Variants in RIMBP2 observed in about 807,000 individuals in gnomAD.
RIMBP2 encodes the protein RIMS-binding protein 2.
Under a neutral mutation model 118.6 loss-of-function variants are expected in RIMBP2, and 48 were observed. That is an observed-to-expected ratio of 0.40 (90% confidence interval 0.32 to 0.51). RIMBP2 has a LOEUF of 0.51. Among genes scored for constraint, RIMBP2 ranks in the 20% least tolerant of loss-of-function variants. RIMBP2 has a pLI of 0.41. For synonymous variants in RIMBP2, 762 were observed against 742.9 expected, an observed-to-expected ratio of 1.03 and a Z score of -0.42; for missense variants, 1,551 against 1,768.3, an observed-to-expected ratio of 0.88 and a Z score of 2.20.
intron 4 of RIMBP2, among the ~76,000 whole-genome samples, chr12:130,495,223 A>G (rs10848115): frequency 0.49 from 75,074 of 152,010 alleles, 19,427 homozygotes; most frequent in East Asian, 0.93. Context: ...CATGCCCTGA[A>G]ATGATGAGGG....
intron 2 of RIMBP2, among the ~76,000 whole-genome samples, chr12:130,554,085 G>A (rs777334421): frequency 1.3e-5 from 2 of 152,136 alleles, no homozygotes; most frequent in African/African-American, 2.4e-5. Context: ...TTGATCTCGG[G>A]AAGCAGTGAA....
chr12:130,625,630 G>A (rs989519623), intron 2 of RIMBP2, among the ~76,000 whole-genome samples: 1 of 152,110 alleles, frequency 6.6e-6, no homozygotes, highest in African/African-American at 2.4e-5. Flanking sequence ...GAGAACAAGA[G>A]CTAAATTTAA....
Position 130,553,976 on chromosome 12 carries a change from C to T in RIMBP2, c.-216-36059G>A, listed in dbSNP as rs138079785. ...GGGATCACAGTAAAAATTCCAAGGA[C>T]GAAAGAAATACATATTTATTCCTAG... On this transcript the variant is annotated intron_variant, in intron 2 of 22. Coordinates refer to ENST00000690449, the MANE Select transcript of RIMBP2 (RefSeq NM_001393629.1). Among the ~76,000 whole-genome samples the T allele has an allele frequency of 1.7e-3, 259 of 152,166 alleles. 1 individual carries two copies. The highest frequency in any genetic ancestry group is 5.4e-3 in the South Asian group (26 of 4,818).
At chr12:130,583,971 A>G (rs2058664607) in intron 2 of RIMBP2, among the ~76,000 whole-genome samples, 1 of 138,646 alleles carries the variant, frequency 7.2e-6, no homozygotes, top group Admixed American at 7.1e-5. Context: ...ATCACCACCA[A>G]CACATCATCA....
At chr12:130,564,364 G>A (rs543461257) in intron 2 of RIMBP2, among the ~76,000 whole-genome samples, 14 of 151,940 alleles carry the variant, frequency 9.2e-5, no homozygotes, top group South Asian at 4.2e-4. Flanking sequence ...ATTTAGATGC[G>A]CCAAATCTTT....
At chr12:130,557,945 T>C (rs2056505813) in intron 2 of RIMBP2, among the ~76,000 whole-genome samples, 1 of 152,080 alleles carries the variant, frequency 6.6e-6, no homozygotes. Flanking sequence ...GCGACCCCGG[T>C]TCCTCACCTG....
At chr12:130,538,038 G>A (rs1456065782) in intron 2 of RIMBP2, among the ~76,000 whole-genome samples, 1 of 152,096 alleles carries the variant, frequency 6.6e-6, no homozygotes, top group East Asian at 1.9e-4. Context: ...GCAAAATGCA[G>A]GTCAGTAGAA....
chr12:130,516,619 G>T (rs1285269226), intron 3 of RIMBP2, among the ~76,000 whole-genome samples: 1 of 152,206 alleles, frequency 6.6e-6, no homozygotes, highest in African/African-American at 2.4e-5. Context: ...GGGTTGAAAG[G>T]CAAGAAGCTC....
At chr12:130,496,844 G>A (rs74472490) in intron 4 of RIMBP2, among the ~76,000 whole-genome samples, 7,077 of 152,246 alleles carry the variant, frequency 0.046, 581 homozygotes, top group African/African-American at 0.16. Context: ...GTTCTGCCCA[G>A]GCCATCAGAC....
intron 2 of RIMBP2, among the ~76,000 whole-genome samples, chr12:130,625,321 G>A (rs751479885): frequency 2.6e-5 from 4 of 152,296 alleles, no homozygotes; most frequent in Middle Eastern, 3.4e-3. Flanking sequence ...GAGGGGCGCC[G>A]AGACCTGTCT....
chr12:130,479,304 T>C (rs963372963), intron 4 of RIMBP2, among the ~76,000 whole-genome samples: 3 of 152,258 alleles, frequency 2.0e-5, no homozygotes, highest in East Asian at 3.8e-4. Context: ...AATGTGACTT[T>C]CGTCTTTTTG....
At chr12:130,521,919 G>T (rs6486548) in intron 2 of RIMBP2, among the ~76,000 whole-genome samples, 5 of 152,090 alleles carry the variant, frequency 3.3e-5, no homozygotes, top group Non-Finnish European at 7.4e-5. Flanking sequence ...AGAGGGTTTA[G>T]GGTTTCCCAG....
Position 130,511,920 on chromosome 12 carries a change from C to T in RIMBP2, c.-126-5150G>A, listed in dbSNP as rs1392441569. ...CAGCTGCCTCTGGCCAGGGTCACCA[C>T]CTCTGGGCTTCCTGAGCACAACAGT... is the stretch of plus-strand genomic sequence containing the variant. On this transcript the variant is annotated intron_variant, in intron 3 of 22. Transcript: ENST00000690449. This position sits in a 1 kb window ranked among gnomAD's most constrained non-coding sequence, Gnocchi z 4.3. 6.6e-6 allele frequency among the ~76,000 whole-genome samples: 1 copy of T among 152,184 alleles called. No homozygotes were observed. The highest frequency in any genetic ancestry group is 1.5e-5 in the Non-Finnish European group (1 of 68,034).
intron 1 of RIMBP2, among the ~76,000 whole-genome samples, chr12:130,689,811 C>T (rs899558584): frequency 5.9e-5 from 9 of 152,174 alleles, no homozygotes; most frequent in African/African-American, 2.2e-4. Context: ...TCACAGATGG[C>T]GGCTTAAACA....
chr12:130,618,024 T>TTTACCAAGAAAAAA (rs71088771), intron 2 of RIMBP2, among the ~76,000 whole-genome samples: 1 of 65,826 alleles, frequency 1.5e-5, no homozygotes, highest in Non-Finnish European at 3.1e-5. Context: ...AGACCTCTTC[T>TTTACCAAGAAAAAA]AAAAAAAAAA....
chr12:130,599,290 C>G (rs917446531), intron 2 of RIMBP2, among the ~76,000 whole-genome samples: 2 of 152,192 alleles, frequency 1.3e-5, no homozygotes, highest in African/African-American at 4.8e-5. Flanking sequence ...GTACAAGGTT[C>G]TGCATTTTGA....
In RIMBP2 at chr12:130,397,285, T is replaced by A. The variant is rs1335967932; in HGVS notation, c.*76A>T. The A allele has an allele frequency of 2.5e-6, 1 of 397,490 alleles. No individual in the cohort carries two copies. Among genetic ancestry groups the A allele is most frequent in the Non-Finnish European group, 4.4e-6 (1 of 225,582 alleles). The allele number at this position is 397,490 out of a possible 1,614,324, so 24.6% of individuals were successfully genotyped here. A position where few individuals can be genotyped will look rare whatever the true frequency, so the allele number is the denominator to read the frequency against. ...GAGAAGATTGGGTTTTTTTAGGAAGTACTTGAGTCATGAAAGCCCTAGTTT... is the reference window on the plus strand; with the variant it reads ...GAGAAGATTGGGTTTTTTTAGGAAGAACTTGAGTCATGAAAGCCCTAGTTT... On this transcript the variant is annotated 3_prime_UTR_variant, in exon 23 of 23. Coordinates refer to ENST00000690449, the MANE Select transcript of RIMBP2 (RefSeq NM_001393629.1).
chr12:130,408,506 G>C (rs113732650), intron 19 of RIMBP2, among the ~76,000 whole-genome samples: 135 of 152,280 alleles, frequency 8.9e-4, no homozygotes, highest in African/African-American at 2.9e-3. Flanking sequence ...ACAGATCGGG[G>C]CCTGGGCATC....
chr12:130,526,081 G>A (rs1034193303), intron 2 of RIMBP2, among the ~76,000 whole-genome samples: 3 of 152,032 alleles, frequency 2.0e-5, no homozygotes, highest in Non-Finnish European at 4.4e-5. Context: ...GTTCAGAAAT[G>A]CCTCCAGTTG....
Sources: allele counts gnomAD v4.1 joint callset (sites outside exome capture counted in the v4.1 genomes callset), GRCh38; gene constraint gnomAD v4.1.1; non-coding constraint Gnocchi (gnomAD v3.1); transcripts MANE v1.5; gene names NCBI Gene and HGNC (gene_info 2026-07-23, HGNC 2026-07-21).